Variants in ZNF695 observed in about 807,000 individuals in gnomAD.
ZNF695 encodes the protein zinc finger protein 695.
In ZNF695, 11 loss-of-function variants were observed where a neutral mutation model predicts 11.2. The ratio of observed to expected loss-of-function variants is 0.98; its 90% CI spans 0.62 to 1.62. The LOEUF (loss-of-function observed/expected upper bound fraction) is 1.62. ZNF695 is among the 40% of genes most tolerant of loss of function. The pLI is 0.00. For synonymous variants in ZNF695, 190 were observed against 201.4 expected (o/e 0.94, Z 0.48); for missense variants, 559 against 590.5 (o/e 0.95, Z 0.55).
chr1:246,967,625 T>C (rs1047298582), intron 5 of ZNF695: 21 of 368,766 alleles, frequency 5.7e-5, no homozygotes, highest in African/African-American at 1.5e-4. Flanking sequence ...TATTAATCCA[T>C]TCTTGCATTG....
intron 5 of ZNF695, among the ~76,000 whole-genome samples, chr1:246,966,013 G>A (rs1283768522): frequency 6.6e-6 from 1 of 151,786 alleles, no homozygotes; most frequent in African/African-American, 2.4e-5. Context: ...CTCAGTGAGA[G>A]GGGACATTTG....
At chr1:246,985,295 G>A (rs1222336962), downstream of ZNF695, 11 of 984,422 alleles carry the variant, frequency 1.1e-5, no homozygotes, top group Admixed American at 6.2e-5. Flanking sequence ...TTTGTGAATA[G>A]TCCTTCAAGA....
chr1:246,948,935 A>G (rs1667804206), intron 5 of ZNF695, among the ~76,000 whole-genome samples: 1 of 152,194 alleles, frequency 6.6e-6, no homozygotes, highest in African/African-American at 2.4e-5. Context: ...ACGAAATTAC[A>G]TACCCTATGT....
At chr1:246,971,980 T>A (rs1460091861) in intron 4 of ZNF695, among the ~76,000 whole-genome samples, 2 of 152,076 alleles carry the variant, frequency 1.3e-5, no homozygotes, top group African/African-American at 4.8e-5. Flanking sequence ...AGGTGATCCA[T>A]CCACCGGGGC....
intron 5 of ZNF695, among the ~76,000 whole-genome samples, chr1:246,953,190 C>T (rs774628300): frequency 1.1e-4 from 17 of 152,094 alleles, no homozygotes; most frequent in Non-Finnish European, 1.8e-4. Context: ...CAGATTCCAA[C>T]GTATTTAAAT....
intron 1 of ZNF695, among the ~76,000 whole-genome samples, chr1:247,006,290 A>T (rs1669535831): frequency 6.6e-6 from 1 of 151,734 alleles, no homozygotes. Flanking sequence ...AAGAACCGTT[A>T]AAATCTTGCA....
intron 3 of ZNF695, among the ~76,000 whole-genome samples, chr1:246,993,224 C>A (rs1413674927): frequency 6.6e-6 from 1 of 151,980 alleles, no homozygotes; most frequent in Non-Finnish European, 1.5e-5. Flanking sequence ...CTGGCCAACA[C>A]GGTGAAACCA....
intron 3 of ZNF695, among the ~76,000 whole-genome samples, chr1:246,989,555 G>C (rs368252786): frequency 2.4e-5 from 1 of 41,370 alleles, no homozygotes; most frequent in African/African-American, 6.1e-5. Context: ...ACATAGACAG[G>C]AAAGAAAGAA....
At chr1:246,989,461 C>T (rs1480347646) in intron 3 of ZNF695, among the ~76,000 whole-genome samples, 1 of 151,754 alleles carries the variant, frequency 6.6e-6, no homozygotes, top group African/African-American at 2.4e-5. Context: ...ATACATCAAA[C>T]CAAAAAACAT....
At chr1:246,972,695 T>G (rs1281084110) in intron 4 of ZNF695, among the ~76,000 whole-genome samples, 1 of 151,974 alleles carries the variant, frequency 6.6e-6, no homozygotes, top group Admixed American at 6.6e-5. Context: ...AATTTTTGTA[T>G]TTTTAGTAGA....
At chr1:247,005,894 A>G (rs1364778066) in intron 1 of ZNF695, among the ~76,000 whole-genome samples, 1 of 152,206 alleles carries the variant, frequency 6.6e-6, no homozygotes, top group Non-Finnish European at 1.5e-5. Context: ...CTTTCTTCTC[A>G]TGTGAAATGT....
chr1:247,005,661 T>C (rs1669509883), intron 1 of ZNF695, among the ~76,000 whole-genome samples: 1 of 151,192 alleles, frequency 6.6e-6, no homozygotes, highest in Non-Finnish European at 1.5e-5. Flanking sequence ...AGTGAGACTG[T>C]CTCAAAACAA....
chr1:246,965,322 A>G (rs1312188547), intron 5 of ZNF695, among the ~76,000 whole-genome samples: 2 of 147,056 alleles, frequency 1.4e-5, no homozygotes, highest in Non-Finnish European at 3.0e-5. Context: ...GCGCCACTGC[A>G]CTCCAGCCTG....
intron 5 of ZNF695, among the ~76,000 whole-genome samples, chr1:246,961,332 C>T (rs1484993653): frequency 3.9e-5 from 6 of 152,132 alleles, no homozygotes; most frequent in African/African-American, 1.4e-4. Flanking sequence ...TATATTGCTA[C>T]CTATTATTTC....
intron 1 of ZNF695, among the ~76,000 whole-genome samples, chr1:247,001,472 G>A (rs930742467): frequency 6.6e-6 from 1 of 151,786 alleles, no homozygotes; most frequent in Admixed American, 6.6e-5. Flanking sequence ...AGCACTTTGG[G>A]AGGTCAAGGC....
chr1:246,952,619 T>C (rs1667894792), intron 5 of ZNF695, among the ~76,000 whole-genome samples: 1 of 151,586 alleles, frequency 6.6e-6, no homozygotes, highest in Non-Finnish European at 1.5e-5. Context: ...CAATCACAGC[T>C]TACTGCAAGC....
At chr1:246,968,247 A>T (rs1469289063) in intron 4 of ZNF695, 1 of 152,260 alleles carries the variant, frequency 6.6e-6, no homozygotes, top group Non-Finnish European at 1.5e-5. Context: ...GACATTGGCC[A>T]AAACAAAGGG....
At chr1:246,993,196 C>G (rs1284011983) in intron 3 of ZNF695, among the ~76,000 whole-genome samples, 1 of 152,142 alleles carries the variant, frequency 6.6e-6, no homozygotes, top group African/African-American at 2.4e-5. Context: ...ATCACGAGGT[C>G]AGATGTTCAA....
At position 246,945,832 on chromosome 1, in the gene ZNF695, A is replaced by G. The variant is rs550579788; in HGVS notation, c.489-5T>C. Reference sequence around the variant, plus strand: ...TCGATGGTCGACGACTGGACCCTGAAAAAAAGAAAGAAAGAAAAGCAGCTT... The same window carrying G: ...TCGATGGTCGACGACTGGACCCTGAGAAAAAGAAAGAAAGAAAAGCAGCTT... On this transcript the variant is annotated splice_polypyrimidine_tract_variant and splice_region_variant and intron_variant, in intron 5 of 5. Transcript: ENST00000487338. 6.3e-5 allele frequency: 97 copies of G among 1,549,988 alleles called. No homozygotes were observed. The African/African-American group carries it at 1.2e-3, about 19-fold the overall frequency.
Sources: allele counts gnomAD v4.1 joint callset (sites outside exome capture counted in the v4.1 genomes callset), GRCh38; gene constraint gnomAD v4.1.1; transcripts MANE v1.5; gene names NCBI Gene and HGNC (gene_info 2026-07-23, HGNC 2026-07-21).